Variants in SCFD2 observed in about 807,000 individuals in gnomAD.
SCFD2 encodes sec1 family domain containing 2.
In SCFD2, 54 loss-of-function variants were observed where a neutral mutation model predicts 58.9. The ratio of observed to expected loss-of-function variants is 0.92; its 90% CI spans 0.74 to 1.15. The LOEUF (loss-of-function observed/expected upper bound fraction) is 1.15, where lower values mean the gene tolerates loss of function less well. Among genes scored for constraint, SCFD2 ranks in the 50% most tolerant of loss-of-function variants. The pLI, the probability that SCFD2 is intolerant of heterozygous loss-of-function variation, is 0.00. For synonymous variants in SCFD2, 321 were observed against 335.9 expected (o/e 0.96, Z 0.49); for missense variants, 805 against 836.6 (o/e 0.96, Z 0.47).
chr4:53,007,737 C>T (rs1447653770), intron 5 of SCFD2, among the ~76,000 whole-genome samples: 1 of 152,188 alleles, frequency 6.6e-6, no homozygotes, highest in East Asian at 1.9e-4. Context: ...AGTCAGGCTG[C>T]CAATTGGCAA....
chr4:52,930,914 TTATC>T (rs1293801916), intron 5 of SCFD2, among the ~76,000 whole-genome samples: 7 of 152,208 alleles, frequency 4.6e-5, no homozygotes, highest in Non-Finnish European at 7.3e-5. Context: ...TAATGTTCTA[TTATC>T]GGCTGTCACC....
rs572792862 is a variant in SCFD2, at chr4:53,081,757, A to G, written c.1561+63576T>C. 3.9e-5 allele frequency among the ~76,000 whole-genome samples: 6 copies of G among 152,270 alleles called. No individual in the cohort carries two copies. The South Asian group carries it at 1.2e-3, about 32-fold the overall frequency. ...ATATTGACAAGATTGTACAAGTGTC[A>G]TGACTATCTAATTCCAGAGCACTGA... On this transcript the variant is annotated intron_variant, in intron 5 of 8. Transcript: ENST00000401642.
At chr4:53,248,095 G>A (rs1365994339) in intron 4 of SCFD2, among the ~76,000 whole-genome samples, 1 of 152,186 alleles carries the variant, frequency 6.6e-6, no homozygotes, top group African/African-American at 2.4e-5. Context: ...AGCAGGGCGA[G>A]GCATTGCCTC....
intron 5 of SCFD2, among the ~76,000 whole-genome samples, chr4:52,923,306 G>A (rs1719784603): frequency 6.6e-6 from 1 of 151,936 alleles, no homozygotes; most frequent in African/African-American, 2.4e-5. Flanking sequence ...GTGAAACCCT[G>A]TCTCTACAAA....
intron 5 of SCFD2, among the ~76,000 whole-genome samples, chr4:53,139,366 C>T (rs1404229317): frequency 1.3e-5 from 2 of 149,628 alleles, no homozygotes; most frequent in African/African-American, 4.9e-5. Context: ...CTCTGCCCAG[C>T]CGCCCAGTCT....
chr4:53,214,835 T>C lies in SCFD2; in HGVS notation c.1311+58991A>G, dbSNP rs1053967554. 5.0e-4 allele frequency among the ~76,000 whole-genome samples: 76 copies of C among 152,268 alleles called. 1 individual carries two copies. Among genetic ancestry groups the C allele is most frequent in the Non-Finnish European group, 9.7e-4 (66 of 68,026 alleles). ...ACCTTGAATTAATTTTTGTATAAGA[T>C]GTAAGGAAGGGATCCAGTTTCAGCT... On this transcript the variant is annotated intron_variant, in intron 4 of 8. Coordinates refer to ENST00000401642, the MANE Select transcript of SCFD2 (RefSeq NM_152540.4).
chr4:52,881,934 G>A (rs1326000931), intron 8 of SCFD2, among the ~76,000 whole-genome samples: 1 of 152,136 alleles, frequency 6.6e-6, no homozygotes, highest in Non-Finnish European at 1.5e-5. Flanking sequence ...GGCTGGAGGG[G>A]CATATGCAAG....
At chr4:52,983,265 C>T (rs1404423577) in intron 5 of SCFD2, among the ~76,000 whole-genome samples, 1 of 152,152 alleles carries the variant, frequency 6.6e-6, no homozygotes, top group Non-Finnish European at 1.5e-5. Context: ...TTCCAACACC[C>T]ATAGAATAAG....
At chr4:53,009,700 G>A (rs6853639) in intron 5 of SCFD2, among the ~76,000 whole-genome samples, 130,475 of 152,144 alleles carry the variant, frequency 0.86, 56,129 homozygotes, top group Middle Eastern at 0.96. Context: ...CAGACTGAAG[G>A]ATCCTAACCT....
chr4:52,948,746 C>G (rs1442788826), intron 5 of SCFD2: 2 of 310,656 alleles, frequency 6.4e-6, no homozygotes, highest in South Asian at 2.8e-5. Flanking sequence ...CTTTTCCTGA[C>G]AGTGTGTAGT....
At chr4:53,226,553 T>C (rs1333168534) in intron 4 of SCFD2, among the ~76,000 whole-genome samples, 1 of 152,134 alleles carries the variant, frequency 6.6e-6, no homozygotes, top group Non-Finnish European at 1.5e-5. Context: ...TGATGAGCAA[T>C]GAAGTTCATA....
intron 5 of SCFD2, among the ~76,000 whole-genome samples, chr4:53,138,587 G>T (rs1726011708): frequency 6.6e-6 from 1 of 152,136 alleles, no homozygotes; most frequent in African/African-American, 2.4e-5. Flanking sequence ...CCATTGAAAA[G>T]CAGAGAGCCA....
chr4:53,001,337 A>C (rs1425189000), intron 5 of SCFD2, among the ~76,000 whole-genome samples: 3 of 152,166 alleles, frequency 2.0e-5, no homozygotes, highest in Non-Finnish European at 2.9e-5. Context: ...TACACTGAAG[A>C]ATTTACATTG....
intron 3 of SCFD2, among the ~76,000 whole-genome samples, chr4:53,276,974 T>C (rs1731346580): frequency 6.6e-6 from 1 of 152,242 alleles, no homozygotes; most frequent in Admixed American, 6.5e-5. Flanking sequence ...TCTGTTTTGG[T>C]GAAGTGTCTG....
intron 4 of SCFD2, among the ~76,000 whole-genome samples, chr4:53,218,290 T>C (rs1728924303): frequency 6.6e-6 from 1 of 152,216 alleles, no homozygotes; most frequent in South Asian, 2.1e-4. Flanking sequence ...CAATCAGATG[T>C]AGATTTGGTC....
At chr4:52,973,142 G>T (rs910734165) in intron 5 of SCFD2, among the ~76,000 whole-genome samples, 1 of 152,050 alleles carries the variant, frequency 6.6e-6, no homozygotes, top group Non-Finnish European at 1.5e-5. Flanking sequence ...TCAAAAGCTA[G>T]CAGAAGGCAA....
At chr4:53,344,226 A>C (rs369492348) in intron 2 of SCFD2, among the ~76,000 whole-genome samples, 7 of 152,288 alleles carry the variant, frequency 4.6e-5, no homozygotes, top group East Asian at 1.9e-4. Flanking sequence ...AAATCTCCTT[A>C]AGCTGATAAG....
At chr4:53,127,460 G>A (rs1354760945) in intron 5 of SCFD2, among the ~76,000 whole-genome samples, 1 of 152,120 alleles carries the variant, frequency 6.6e-6, no homozygotes, top group East Asian at 1.9e-4. Flanking sequence ...ACAACGTTGA[G>A]CAAAACTCAC....
At chr4:52,903,004 T>C (rs775180966) in intron 7 of SCFD2, among the ~76,000 whole-genome samples, 1 of 152,176 alleles carries the variant, frequency 6.6e-6, no homozygotes, top group Non-Finnish European at 1.5e-5. Flanking sequence ...ATAAAGATGT[T>C]AAATAGGAAA....
Sources: gnomAD v4.1 joint callset for allele counts (sites outside exome capture counted in the v4.1 genomes callset) on GRCh38, gnomAD v4.1.1 for gene constraint, MANE v1.5 for transcripts, NCBI Gene and HGNC (gene_info 2026-07-23, HGNC 2026-07-21) for gene names.